The following B3GALT1 variants were observed in gnomAD, a reference collection of about 807,000 sequenced individuals.
The protein encoded by B3GALT1 is UDP-Gal:betaGlcNAc beta 1,3-galactosyltransferase, polypeptide 1.
A neutral mutation model predicts 23.2 loss-of-function variants in B3GALT1; 10 were observed. The ratio of observed to expected loss-of-function variants is 0.43; its 90% CI spans 0.27 to 0.73. The LOEUF (loss-of-function observed/expected upper bound fraction) is 0.73, where lower values mean the gene tolerates loss of function less well. B3GALT1 is among the 30% of genes least tolerant of loss of function. The pLI, the probability that B3GALT1 is intolerant of heterozygous loss-of-function variation, is 0.21. For synonymous variants in B3GALT1, 156 were observed against 141.5 expected (o/e 1.10, Z -0.73); for missense variants, 299 against 405.4 (o/e 0.74, Z 2.25).
intron 1 of B3GALT1, among the ~76,000 whole-genome samples, chr2:167,484,781 A>C (rs185651493): frequency 3.2e-4 from 49 of 152,188 alleles, no homozygotes; most frequent in African/African-American, 1.2e-3. Context: ...TCAGAAAAAG[A>C]ACTAGAAAGG....
chr2:167,351,268 C>CAA (rs890751165), intron 1 of B3GALT1, among the ~76,000 whole-genome samples: 764 of 64,132 alleles, frequency 0.012, 5 homozygotes, highest in African/African-American at 0.034. Flanking sequence ...GACTCCGTCT[C>CAA]AAAAAAAAAA....
chr2:167,850,748 T>TA (rs1689862960), intron 4 of B3GALT1, among the ~76,000 whole-genome samples: 1 of 151,948 alleles, frequency 6.6e-6, no homozygotes. Context: ...TGCTCACTGA[T>TA]ACGTGGGAGC....
At chr2:167,586,311 T>C (rs1267747156) in intron 2 of B3GALT1, among the ~76,000 whole-genome samples, 4 of 152,222 alleles carry the variant, frequency 2.6e-5, no homozygotes, top group African/African-American at 9.6e-5. Flanking sequence ...TTTCTTTTTT[T>C]TTCTTTGAGA....
chr2:167,868,815 A>T lies in B3GALT1; in HGVS notation c.-225A>T, dbSNP rs552120919. On this transcript the variant is annotated 5_prime_UTR_variant, in exon 5 of 5. Transcript: ENST00000392690. ...TGTACTTTATTGATTTTGCAGAGTT[A>T]AGAGGAAGATTTATGAGTCATGGAA... is the stretch of plus-strand genomic sequence containing the variant. 6.3e-4 allele frequency: 310 copies of T among 494,688 alleles called. No individual in the cohort carries two copies. The highest frequency in any genetic ancestry group is 9.7e-4 in the Non-Finnish European group (275 of 282,904). The allele number at this position is 494,688 out of a possible 1,614,324, so 30.6% of individuals were successfully genotyped here.
intron 3 of B3GALT1, among the ~76,000 whole-genome samples, chr2:167,722,380 A>G (rs112226202): frequency 2.0e-4 from 30 of 152,212 alleles, no homozygotes; most frequent in Admixed American, 1.2e-3. Flanking sequence ...AGAGGCTGCA[A>G]TTACCCCAAG....
At chr2:167,736,823 A>G (rs1194101086) in intron 3 of B3GALT1, among the ~76,000 whole-genome samples, 1 of 152,048 alleles carries the variant, frequency 6.6e-6, no homozygotes, top group African/African-American at 2.4e-5. Flanking sequence ...AATTCCAGCT[A>G]CTCGGGAGGC....
rs183664323 is a variant in B3GALT1 at position 167,582,621 on chromosome 2, C to T, written c.-409-64288C>T. Among the ~76,000 whole-genome samples the T allele has an allele frequency of 6.6e-5, 10 of 151,940 alleles. 1 individual carries two copies. The highest frequency in any genetic ancestry group is 5.9e-4 in the Admixed American group (9 of 15,242). On this transcript the variant is annotated intron_variant, in intron 2 of 4. Transcript: ENST00000392690. ...CATTTTTCCCTTTTTTATTTTGATC[C>T]TTCATAAGATGGTGTTTGGTGATGG...
chr2:167,838,978 C>A (rs1395218914), intron 4 of B3GALT1, among the ~76,000 whole-genome samples: 2 of 152,184 alleles, frequency 1.3e-5, no homozygotes, highest in African/African-American at 4.8e-5. Flanking sequence ...AATTCAACAA[C>A]CCTTCATGCT....
chr2:167,443,992 T>C (rs1698939290), intron 1 of B3GALT1, among the ~76,000 whole-genome samples: 1 of 152,202 alleles, frequency 6.6e-6, no homozygotes, highest in Admixed American at 6.5e-5. Flanking sequence ...CAGTATGATA[T>C]TGGCTGTGGG....
chr2:167,685,832 C>T (rs1032398777), intron 3 of B3GALT1, among the ~76,000 whole-genome samples: 3 of 152,160 alleles, frequency 2.0e-5, no homozygotes, highest in Non-Finnish European at 2.9e-5. Flanking sequence ...AGGAAGGAGC[C>T]GAAAGGCAGT....
intron 3 of B3GALT1, among the ~76,000 whole-genome samples, chr2:167,722,050 T>A (rs1424162057): frequency 6.6e-6 from 1 of 152,228 alleles, no homozygotes; most frequent in African/African-American, 2.4e-5. Context: ...CTCTCCAAAT[T>A]GCTTTTGTTG....
intron 4 of B3GALT1, among the ~76,000 whole-genome samples, chr2:167,841,525 C>A (rs1247224723): frequency 2.6e-5 from 4 of 152,200 alleles, no homozygotes; most frequent in African/African-American, 9.6e-5. Context: ...TCACATTCTC[C>A]AGTTAGCAAA....
At position 167,339,016 on chromosome 2, in the gene B3GALT1, A is replaced by G. The variant is rs759157585; in HGVS notation, c.-511+45682A>G. Among the ~76,000 whole-genome samples, 58 of 152,176 alleles carry G rather than the reference A, an allele frequency of 3.8e-4. 1 individual carries two copies. The highest frequency in any genetic ancestry group is 1.3e-4 in the Non-Finnish European group (9 of 68,004). On this transcript the variant is annotated intron_variant, in intron 1 of 4. Coordinates refer to ENST00000392690, the MANE Select transcript of B3GALT1 (RefSeq NM_020981.4). ...GGAGCAGAACTCCCTTAAAATGTGGATGACATTTAAATTAGAATTATTATC... is the reference window on the plus strand; with the variant it reads ...GGAGCAGAACTCCCTTAAAATGTGGGTGACATTTAAATTAGAATTATTATC...
At chr2:167,450,620 T>A (rs1699074055) in intron 1 of B3GALT1, among the ~76,000 whole-genome samples, 1 of 152,230 alleles carries the variant, frequency 6.6e-6, no homozygotes, top group African/African-American at 2.4e-5. Flanking sequence ...CTCACAGCTC[T>A]TAAGATTCTT....
chr2:167,675,098 C>G (rs899449244), intron 3 of B3GALT1, among the ~76,000 whole-genome samples: 3 of 152,150 alleles, frequency 2.0e-5, no homozygotes, highest in Non-Finnish European at 4.4e-5. Context: ...TGGCTGAGCT[C>G]TTGTTTAGCA....
rs551453300 is a variant in B3GALT1 at position 167,577,504 on chromosome 2, A to G, written c.-409-69405A>G. On this transcript the variant is annotated intron_variant, in intron 2 of 4. Transcript: ENST00000392690. ...TTTGGATAGAGTAGCAGAATGATAT[A>G]TGTTTAAGAATGATAGACAATAAGG... is the stretch of plus-strand genomic sequence containing the variant. 6.6e-5 allele frequency among the ~76,000 whole-genome samples: 10 copies of G among 151,994 alleles called. No homozygotes were observed. The South Asian group carries it at 2.1e-3, about 31-fold the overall frequency.
intron 1 of B3GALT1, among the ~76,000 whole-genome samples, chr2:167,392,018 C>G (rs1159939090): frequency 1.3e-5 from 2 of 152,052 alleles, no homozygotes; most frequent in Non-Finnish European, 2.9e-5. Context: ...ACTTCTTGGT[C>G]TCTGTAGAAC....
chr2:167,518,036 CAAA>C (rs1220220176), intron 2 of B3GALT1, among the ~76,000 whole-genome samples: 20 of 151,596 alleles, frequency 1.3e-4, no homozygotes, highest in African/African-American at 4.8e-4. Flanking sequence ...ACAACAACAA[CAAA>C]AAAAATTGTA....
chr2:167,563,891 C>CA, intron 2 of B3GALT1, among the ~76,000 whole-genome samples: 2 of 3,266 alleles, frequency 6.1e-4, no homozygotes, highest in Non-Finnish European at 1.4e-3. Context: ...GACGGGGCGG[C>CA]CGGCCGGGCG....
Sources: allele counts gnomAD v4.1 joint callset (sites outside exome capture counted in the v4.1 genomes callset), GRCh38; gene constraint gnomAD v4.1.1; transcripts MANE v1.5; gene names NCBI Gene and HGNC (gene_info 2026-07-23, HGNC 2026-07-21).